The following NABP1 variants were observed in gnomAD, a reference collection of about 807,000 sequenced individuals.
NABP1 encodes the protein SOSS complex subunit B2.
Under a neutral mutation model 25.0 loss-of-function variants are expected in NABP1, and 18 were observed. The observed-to-expected ratio is 0.72, with a 90% CI of 0.50 to 1.07. NABP1 has a LOEUF of 1.07. NABP1 is among the 50% of genes least tolerant of loss of function. The probability of loss-of-function intolerance (pLI) is 0.00; values close to 1 mark genes in which losing one functional copy is unlikely to be tolerated. For missense variants in NABP1, 270 were observed against 255.6 expected (o/e 1.06, Z -0.39); for synonymous variants, 71 against 85.0 (o/e 0.84, Z 0.91).
In NABP1 at chr2:191,683,331, G is replaced by A. The variant is rs796416739; in HGVS notation, c.303-398G>A. ...CAAAAGAGGGACTGAATGGGAGTGG[G>A]TGAATGGATCGGTGCAAATCCATTA... On this transcript the variant is annotated intron_variant, in intron 3 of 5. Transcript: ENST00000425611. The surrounding 1 kb of genome is among the most constrained non-coding windows in gnomAD (Gnocchi z 4.1). 8.9e-6 allele frequency: 2 copies of A among 225,880 alleles called. No individual in the cohort carries two copies. The highest frequency in any genetic ancestry group is 2.4e-5 in the African/African-American group (1 of 41,972). 14.0% of individuals were successfully genotyped at this position (225,880 alleles called of 1,614,324 possible).
chr2:191,678,597 A>G lies in NABP1; in HGVS notation c.-18A>G, dbSNP rs1446847887. The G allele has an allele frequency of 7.5e-6, 12 of 1,592,360 alleles. No individual in the cohort carries two copies. The East Asian group carries it at 2.5e-4, about 33-fold the overall frequency. On this transcript the variant is annotated 5_prime_UTR_variant, in exon 1 of 6. Transcript: ENST00000425611. ...TGCCCACTCGCGTCTCCGCAGCCGT[A>G]GCCGCGCCTGTCCCAATATGAATAG... is the stretch of plus-strand genomic sequence containing the variant.
In NABP1 at chr2:191,683,321, AT is replaced by A. The variant is rs1687735313; in HGVS notation, c.303-407del. On this transcript the variant is annotated intron_variant, in intron 3 of 5. Transcript: ENST00000425611. This position sits in a 1 kb window ranked among gnomAD's most constrained non-coding sequence, Gnocchi z 4.1. ...AGTGATCGATCAAAAGAGGGACTGA[AT>A]GGGAGTGGGTGAATGGATCGGTGCA... 4.6e-6 allele frequency: 1 copy of A among 219,456 alleles called. No homozygotes were observed. Among genetic ancestry groups the A allele is most frequent in the African/African-American group, 2.4e-5 (1 of 41,808 alleles). 13.6% of individuals were successfully genotyped at this position (219,456 alleles called of 1,614,324 possible). A position where few individuals can be genotyped will look rare whatever the true frequency, so the allele number is the denominator to read the frequency against.
At chr2:191,684,961 C>G (rs1393190947) in intron 5 of NABP1, 1 of 152,536 alleles carries the variant, frequency 6.6e-6, no homozygotes, top group Non-Finnish European at 1.5e-5. Context: ...AAGTGATTCT[C>G]CTGCCTCAGC....
In NABP1 at chr2:191,678,563, A is replaced by C. The variant is rs1574753680; in HGVS notation, c.-52A>C. ...TGTCCCGGGAGGGTGGGAAGCTTTG[A>C]CCCCGCCCTGCCCACTCGCGTCTCC... On this transcript the variant is annotated 5_prime_UTR_variant, in exon 1 of 6. Coordinates refer to ENST00000425611, the MANE Select transcript of NABP1 (RefSeq NM_001031716.5). 7.2e-7 allele frequency: 1 copy of C among 1,379,380 alleles called. No individual in the cohort carries two copies. The highest frequency in any genetic ancestry group is 1.0e-6 in the Non-Finnish European group (1 of 985,096). 85.4% of individuals were successfully genotyped at this position (1,379,380 alleles called of 1,614,324 possible). A position where few individuals can be genotyped will look rare whatever the true frequency, so the allele number is the denominator to read the frequency against.
At chr2:191,681,881 T>C in intron 2 of NABP1, 65 bp from the exon 3 acceptor site, 1 of 1,110,696 alleles carries the variant, frequency 9.0e-7, no homozygotes, top group Non-Finnish European at 1.2e-6. Flanking sequence ...GTGTGAAGAT[T>C]TACTTGATTT....
At chr2:191,681,684 C>A (rs1304509819) in intron 2 of NABP1, among the ~76,000 whole-genome samples, 2 of 152,114 alleles carry the variant, frequency 1.3e-5, no homozygotes, top group African/African-American at 2.4e-5. Flanking sequence ...TATAATAATA[C>A]TGGCTTTGCG....
intron 2 of NABP1, among the ~76,000 whole-genome samples, chr2:191,680,477 A>C (rs777678884): frequency 1.3e-5 from 2 of 152,248 alleles, no homozygotes; most frequent in Non-Finnish European, 2.9e-5. Flanking sequence ...CCACATCTTT[A>C]AAAAACAAAA....
chr2:191,682,579 C>T (rs1558986665), intron 3 of NABP1: 1 of 471,102 alleles, frequency 2.1e-6, no homozygotes, highest in African/African-American at 2.0e-5. Flanking sequence ...AGGAGCCATC[C>T]TCTCTAGGGG....
At chr2:191,679,323 G>C (rs1687605156) in intron 2 of NABP1, among the ~76,000 whole-genome samples, 195 bp downstream of exon 2, 1 of 152,104 alleles carries the variant, frequency 6.6e-6, no homozygotes, top group Non-Finnish European at 1.5e-5. Flanking sequence ...AAAGGCAGTC[G>C]GTTTCAGCTG....
intron 4 of NABP1, 113 bp from the exon 5 acceptor site, chr2:191,684,117 A>T: frequency 7.5e-6 from 3 of 398,844 alleles, no homozygotes; most frequent in Non-Finnish European, 1.2e-5. Context: ...TTGTTAATTA[A>T]AAAAAAAAAA....
chr2:191,682,073 AAT>A, intron 3 of NABP1, 56 bp downstream of exon 3: 1 of 1,082,340 alleles, frequency 9.2e-7, no homozygotes, highest in Non-Finnish European at 1.3e-6. Flanking sequence ...ATATCTACGG[AAT>A]GATTGGTAGG....
chr2:191,679,098 AG>A lies in NABP1; in HGVS notation c.201del (p.Gln67HisfsTer8). 1 of 1,614,206 alleles carries A rather than the reference AG, an allele frequency of 6.2e-7. No individual in the cohort carries two copies. Among genetic ancestry groups the A allele is most frequent in the Non-Finnish European group, 8.5e-7 (1 of 1,180,024 alleles). ...SVWDEIGGLI[Q>X]PGDIIRLTRG... ...TGGGATGAGATCGGAGGTCTTATAC[AG>A]CCAGGGGATATTATTCGGTTGACCA... is the stretch of plus-strand genomic sequence containing the variant. On this transcript the variant is annotated frameshift_variant, in exon 2 of 6. Coordinates refer to ENST00000425611, the MANE Select transcript of NABP1 (RefSeq NM_001031716.5). LOFTEE classifies it high-confidence loss of function.
chr2:191,680,752 A>G (rs1325437518), intron 2 of NABP1, among the ~76,000 whole-genome samples: 1 of 152,200 alleles, frequency 6.6e-6, no homozygotes, highest in Non-Finnish European at 1.5e-5. Context: ...ATTAAAAACT[A>G]TAGAAACTCT....
Position 191,680,005 on chromosome 2 carries a change from G to A in NABP1, c.230+877G>A, listed in dbSNP as rs1467455173. Among the ~76,000 whole-genome samples, 6 of 152,280 alleles carry A rather than the reference G, an allele frequency of 3.9e-5. No individual in the cohort carries two copies. The East Asian group carries it at 9.6e-4, about 24-fold the overall frequency. Reference sequence around the variant, plus strand: ...TGTCTTCTGCTGTAAGGTGGATGTTGCGCAAAAACCAAAGGGATACACAGA... The same window carrying A: ...TGTCTTCTGCTGTAAGGTGGATGTTACGCAAAAACCAAAGGGATACACAGA... On this transcript the variant is annotated intron_variant, in intron 2 of 5. Transcript: ENST00000425611.
In NABP1 at chr2:191,685,631, G is replaced by T. The variant is rs1687796161; in HGVS notation, c.478G>T (p.Glu160Ter). ...TGTTCACACTGGCCCTGAATCAAGGGAACACCAGTTTTCACATGCTGGCAG... is the reference window on the plus strand; with the variant it reads ...TGTTCACACTGGCCCTGAATCAAGGTAACACCAGTTTTCACATGCTGGCAG... Reference protein sequence around the residue: ...NGVHTGPESREHQFSHAGRSN... With the variant: ...NGVHTGPESR The change falls in exon 6 of 6, where the codon GAA becomes TAA. Residue 160 changes from glutamate (E) to a stop codon, truncating the protein, a stop_gained. Transcript: ENST00000425611. LOFTEE classifies it high-confidence loss of function. 2 of 1,613,658 alleles carry T rather than the reference G, an allele frequency of 1.2e-6. No individual in the cohort carries two copies. The highest frequency in any genetic ancestry group is 1.7e-6 in the Non-Finnish European group (2 of 1,179,790).
chr2:191,683,224 A>G lies in NABP1; in HGVS notation c.303-505A>G, dbSNP rs1687732594. The G allele has an allele frequency of 1.2e-5, 2 of 168,960 alleles. No homozygotes were observed. Among genetic ancestry groups the G allele is most frequent in the Non-Finnish European group, 2.5e-5 (2 of 78,864 alleles). The allele number at this position is 168,960 out of a possible 1,614,324, so 10.5% of individuals were successfully genotyped here. On this transcript the variant is annotated intron_variant, in intron 3 of 5. Transcript: ENST00000425611. This position sits in a 1 kb window ranked among gnomAD's most constrained non-coding sequence, Gnocchi z 4.1. ...GAAGCACTTGGATAAACTGGTGGCTATGTAGCCTGTTGTTATTATTTATTG... is the reference window on the plus strand; with the variant it reads ...GAAGCACTTGGATAAACTGGTGGCTGTGTAGCCTGTTGTTATTATTTATTG...
At position 191,685,744 on chromosome 2, in the gene NABP1, C is replaced by A. The variant is rs1406342207; in HGVS notation, c.591C>A (p.Asp197Glu). 1.2e-6 allele frequency: 2 copies of A among 1,614,038 alleles called. No individual in the cohort carries two copies. The highest frequency in any genetic ancestry group is 2.2e-5 in the East Asian group (1 of 44,872). Residue 197 changes from aspartate to glutamate, a missense_variant, in exon 6 of 6, where the codon GAC (aspartate) becomes GAA (glutamate). Coordinates refer to ENST00000425611, the MANE Select transcript of NABP1 (RefSeq NM_001031716.5). ...TGACCACAATAAGTAATGGCAGGGA[C>A]CCTCGGAGAGCCTTTAAAAGATGAC... Reference protein sequence around the residue: ...TVMTTISNGRDPRRAFKR With the variant: ...TVMTTISNGREPRRAFKR
chr2:191,681,760 G>T (rs1288288055), intron 2 of NABP1, among the ~76,000 whole-genome samples, 186 bp from the exon 3 acceptor site: 3 of 152,076 alleles, frequency 2.0e-5, no homozygotes, highest in Non-Finnish European at 4.4e-5. Context: ...CAGAATTTTT[G>T]TATTCTTTTG....
chr2:191,686,350 G>C lies in NABP1; in HGVS notation c.*582G>C, dbSNP rs1387959911. ...AGATTCCTTATCAGAATTTGGAATA[G>C]AATGTGATCTCTATTGCAACAAGTA... On this transcript the variant is annotated 3_prime_UTR_variant, in exon 6 of 6. Coordinates refer to ENST00000425611, the MANE Select transcript of NABP1 (RefSeq NM_001031716.5). 2.0e-5 allele frequency: 3 copies of C among 152,222 alleles called. No individual in the cohort carries two copies. The highest frequency in any genetic ancestry group is 4.8e-5 in the African/African-American group (2 of 41,426). 9.4% of individuals were successfully genotyped at this position (152,222 alleles called of 1,614,324 possible).
Sources: allele counts gnomAD v4.1 joint callset (sites outside exome capture counted in the v4.1 genomes callset), GRCh38; gene constraint gnomAD v4.1.1; non-coding constraint Gnocchi (gnomAD v3.1); transcripts MANE v1.5; gene names NCBI Gene and HGNC (gene_info 2026-07-23, HGNC 2026-07-21).